The following SMIM31 variants were observed in gnomAD, a reference collection of about 807,000 sequenced individuals.
The protein encoded by SMIM31 is small integral membrane protein 31, also known as human epithelial cell program regulator.
At chr4:164,785,255 AT>A (rs988101196) in intron 2 of SMIM31, among the ~76,000 whole-genome samples, 2 of 148,776 alleles carry the variant, frequency 1.3e-5, no homozygotes, top group Middle Eastern at 3.3e-3. Context: ...TAAAAAAAAA[AT>A]CTTGTAACAT....
chr4:164,792,766 A>C (rs1733119669), intron 2 of SMIM31, among the ~76,000 whole-genome samples: 1 of 152,186 alleles, frequency 6.6e-6, no homozygotes. Context: ...CAGAAATAAA[A>C]AAATTTATCA....
At chr4:164,782,284 C>A (rs1426577545) in intron 2 of SMIM31, among the ~76,000 whole-genome samples, 2 of 150,348 alleles carry the variant, frequency 1.3e-5, no homozygotes, top group Non-Finnish European at 3.0e-5. Context: ...AGTGAAACTC[C>A]GTCTCACAAA....
chr4:164,756,506 A>T (rs1356621027), intron 1 of SMIM31, among the ~76,000 whole-genome samples: 1 of 151,914 alleles, frequency 6.6e-6, no homozygotes, highest in Non-Finnish European at 1.5e-5. Context: ...TGGGAGGCGG[A>T]GCTTGCAGTG....
intron 1 of SMIM31, among the ~76,000 whole-genome samples, chr4:164,758,035 G>A (rs1439370840): frequency 1.3e-5 from 2 of 152,004 alleles, no homozygotes; most frequent in East Asian, 1.9e-4. Flanking sequence ...ATAAAATATC[G>A]TATATCTCTC....
chr4:164,763,327 C>G (rs574664558), intron 1 of SMIM31, among the ~76,000 whole-genome samples: 1 of 152,180 alleles, frequency 6.6e-6, no homozygotes, highest in Non-Finnish European at 1.5e-5. Flanking sequence ...ACAAAAATAA[C>G]TGGAATTTTT....
intron 1 of SMIM31, among the ~76,000 whole-genome samples, chr4:164,756,503 C>A (rs141013545): frequency 0.038 from 5,721 of 151,156 alleles, 201 homozygotes; most frequent in East Asian, 0.16. Flanking sequence ...ACCTGGGAGG[C>A]GGAGCTTGCA....
intron 1 of SMIM31, among the ~76,000 whole-genome samples, chr4:164,766,661 G>A (rs1234899664): frequency 6.6e-6 from 1 of 152,052 alleles, no homozygotes; most frequent in Non-Finnish European, 1.5e-5. Flanking sequence ...AGCCAGGCGT[G>A]GTGGCACACA....
At chr4:164,783,797 A>G (rs184677962) in intron 2 of SMIM31, among the ~76,000 whole-genome samples, 2 of 152,110 alleles carry the variant, frequency 1.3e-5, no homozygotes, top group Non-Finnish European at 2.9e-5. Flanking sequence ...ATAAAAAGAA[A>G]AATATGTGAT....
At chr4:164,786,192 A>G (rs1400076131) in intron 2 of SMIM31, among the ~76,000 whole-genome samples, 1 of 152,340 alleles carries the variant, frequency 6.6e-6, no homozygotes, top group Non-Finnish European at 1.5e-5. Context: ...GATGTTTGCT[A>G]AGGATGGATG....
At chr4:164,799,410 AATAAAC>A (rs894282187) in intron 2 of SMIM31, among the ~76,000 whole-genome samples, 1 of 152,038 alleles carries the variant, frequency 6.6e-6, no homozygotes, top group Non-Finnish European at 1.5e-5. Flanking sequence ...AAATAAATAA[AATAAAC>A]ATAAACATAA....
intron 2 of SMIM31, among the ~76,000 whole-genome samples, chr4:164,797,360 T>C (rs1733211677): frequency 6.6e-6 from 1 of 151,982 alleles, no homozygotes; most frequent in Non-Finnish European, 1.5e-5. Context: ...AGTCAAGGTT[T>C]ACAGAAACAC....
chr4:164,760,115 T>C (rs1732625832), intron 1 of SMIM31, among the ~76,000 whole-genome samples: 1 of 151,998 alleles, frequency 6.6e-6, no homozygotes, highest in Non-Finnish European at 1.5e-5. Flanking sequence ...GCACCTAGAA[T>C]GGAGGAAATG....
chr4:164,795,042 C>T (rs546475949), intron 2 of SMIM31, among the ~76,000 whole-genome samples: 1 of 151,994 alleles, frequency 6.6e-6, no homozygotes, highest in South Asian at 2.1e-4. Context: ...TAAAATTGTA[C>T]TCTCACTCAA....
At chr4:164,782,366 C>CTCTT (rs1732962048) in intron 2 of SMIM31, among the ~76,000 whole-genome samples, 2 of 147,134 alleles carry the variant, frequency 1.4e-5, no homozygotes. Context: ...ACTACTTTAT[C>CTCTT]TCTTTCTTTT....
At chr4:164,757,732 G>A (rs1732584288) in intron 1 of SMIM31, among the ~76,000 whole-genome samples, 1 of 151,894 alleles carries the variant, frequency 6.6e-6, no homozygotes, top group South Asian at 2.1e-4. Context: ...TGTCATAAAG[G>A]GTCGATCTTA....
intron 2 of SMIM31, among the ~76,000 whole-genome samples, chr4:164,781,601 A>T (rs1281735939): frequency 2.0e-5 from 3 of 152,104 alleles, no homozygotes; most frequent in Non-Finnish European, 4.4e-5. Context: ...GCATAGGAGG[A>T]CTTTTAGCAG....
intron 1 of SMIM31, among the ~76,000 whole-genome samples, chr4:164,755,124 A>G (rs560288828): frequency 2.6e-5 from 4 of 151,846 alleles, no homozygotes; most frequent in Non-Finnish European, 2.9e-5. Flanking sequence ...TTTCAGCAGT[A>G]GAAAAGTATA....
intron 2 of SMIM31, among the ~76,000 whole-genome samples, chr4:164,784,995 G>A (rs1189216484): frequency 5.3e-5 from 8 of 151,658 alleles, no homozygotes; most frequent in Admixed American, 1.3e-4. Flanking sequence ...AGGCCGAGGC[G>A]GGCGGATTGC....
intron 2 of SMIM31, among the ~76,000 whole-genome samples, chr4:164,790,437 C>G (rs1226554732): frequency 1.3e-5 from 2 of 152,162 alleles, no homozygotes; most frequent in Non-Finnish European, 2.9e-5. Context: ...AAGTAATTCA[C>G]TTTAAGTGAC....
Sources: allele counts gnomAD v4.1 joint callset (sites outside exome capture counted in the v4.1 genomes callset), GRCh38; gene constraint gnomAD v4.1.1; transcripts MANE v1.5; gene names NCBI Gene and HGNC (gene_info 2026-07-23, HGNC 2026-07-21).